Variants in MAOB observed in about 807,000 individuals in gnomAD.
MAOB encodes monoamine oxidase B.
A neutral mutation model predicts 41.9 loss-of-function variants in MAOB; 15 were observed. That is an observed-to-expected ratio of 0.36 (90% CI 0.24 to 0.55). MAOB has a LOEUF of 0.55. Among genes scored for constraint, MAOB ranks in the 20% least tolerant of loss-of-function variants. The pLI is 0.86. For missense variants in MAOB, 345 were observed against 398.7 expected, an observed-to-expected ratio of 0.87 and a Z score of 1.15; for synonymous variants, 167 against 144.2, an observed-to-expected ratio of 1.16 and a Z score of -1.13.
chrX:43,870,603 G>A (rs777853709), intron 1 of MAOB, among the ~76,000 whole-genome samples: 5 of 109,132 alleles, frequency 4.6e-5, no homozygotes, highest in South Asian at 4.1e-4. Context: ...AGACCATCCC[G>A]GCTAACATGG....
intron 1 of MAOB, among the ~76,000 whole-genome samples, chrX:43,853,071 C>T (rs1315352266): frequency 1.8e-5 from 2 of 109,168 alleles, no homozygotes; most frequent in South Asian, 4.0e-4. Flanking sequence ...GAGGCCGAGG[C>T]GGGCGGATCA....
intron 1 of MAOB, among the ~76,000 whole-genome samples, chrX:43,857,114 TATAGAGAGAGAGAGAGAGAG>T (rs1357810988): frequency 0.015 from 175 of 11,431 alleles, no homozygotes; most frequent in Non-Finnish European, 0.021. Context: ...TATATATATA[TATAGAGAGAGAGAGAGAGAG>T]AGAGAGAGAG....
At chrX:43,769,224 C>G in intron 13 of MAOB, 83 bp downstream of exon 13, 3 of 1,063,021 alleles carry the variant, frequency 2.8e-6, no homozygotes, top group Middle Eastern at 3.5e-4. Context: ...GAGAGTTGGT[C>G]TCCAGGCTCT....
intron 11 of MAOB, among the ~76,000 whole-genome samples, chrX:43,778,017 C>T (rs969848528): frequency 9.0e-6 from 1 of 110,750 alleles, no homozygotes; most frequent in Non-Finnish European, 1.9e-5. Flanking sequence ...CCCTATCCCA[C>T]CTTTAACCAC....
intron 3 of MAOB, among the ~76,000 whole-genome samples, chrX:43,811,550 C>A (rs1156736364): frequency 8.9e-6 from 1 of 111,795 alleles, no homozygotes; most frequent in East Asian, 2.8e-4. Context: ...CCTATACTTG[C>A]AGTTTGAGAG....
Position 43,766,709 on chromosome X carries a change from A to G in MAOB, c.*757T>C, listed in dbSNP as rs1220137935. The G allele has an allele frequency of 1.8e-5, 2 of 112,034 alleles. No homozygotes were observed. Among genetic ancestry groups the G allele is most frequent in the Non-Finnish European group, 3.8e-5 (2 of 53,275 alleles). 9.2% of individuals were successfully genotyped at this position (112,034 alleles called of 1,213,427 possible). Reference sequence around the variant, plus strand: ...AAAAGGAAGAAGAGATAAAATTTCTACCATCAAAAAAGTTAAAATCAGCTG... The same window carrying G: ...AAAAGGAAGAAGAGATAAAATTTCTGCCATCAAAAAAGTTAAAATCAGCTG... On this transcript the variant is annotated 3_prime_UTR_variant, in exon 15 of 15. Transcript: ENST00000378069.
chrX:43,777,681 G>T (rs890788060), intron 11 of MAOB, among the ~76,000 whole-genome samples: 1 of 111,926 alleles, frequency 8.9e-6, no homozygotes, highest in Non-Finnish European at 1.9e-5. Context: ...TGCTCAACTA[G>T]ATTGTGGTAT....
At chrX:43,839,129 C>T (rs762331536) in intron 2 of MAOB, 124 bp from the exon 3 acceptor site, 8 of 415,633 alleles carry the variant, frequency 1.9e-5, no homozygotes, top group South Asian at 8.9e-5. Context: ...GGTATATCCA[C>T]GAAAAACTAG....
chrX:43,873,970 C>T (rs754699998), intron 1 of MAOB, among the ~76,000 whole-genome samples: 233 of 111,800 alleles, frequency 2.1e-3, no homozygotes, highest in African/African-American at 7.4e-3. Context: ...CCACTGCACC[C>T]GGCCGACAGT....
chrX:43,858,674 G>A (rs2035313564), intron 1 of MAOB, among the ~76,000 whole-genome samples: 1 of 110,802 alleles, frequency 9.0e-6, no homozygotes, highest in Admixed American at 9.7e-5. Flanking sequence ...CCCATAAGAA[G>A]GAGGATACCA....
At chrX:43,833,888 G>C (rs1433366689) in intron 3 of MAOB, among the ~76,000 whole-genome samples, 1 of 111,978 alleles carries the variant, frequency 8.9e-6, no homozygotes, top group Non-Finnish European at 1.9e-5. Flanking sequence ...ATAATTTTCA[G>C]CAAATTATTA....
intron 2 of MAOB, among the ~76,000 whole-genome samples, chrX:43,840,768 T>C (rs1337719088): frequency 9.0e-6 from 1 of 111,198 alleles, no homozygotes; most frequent in Non-Finnish European, 1.9e-5. Flanking sequence ...CCAGATACTT[T>C]GCTTTTCTCA....
intron 3 of MAOB, among the ~76,000 whole-genome samples, chrX:43,821,483 A>C (rs1001039898): frequency 1.8e-5 from 2 of 111,565 alleles, no homozygotes; most frequent in African/African-American, 6.5e-5. Flanking sequence ...TGTCTTTCAA[A>C]AATATTATCC....
At chrX:43,790,566 G>T (rs1427752041) in intron 8 of MAOB, among the ~76,000 whole-genome samples, 1 of 111,020 alleles carries the variant, frequency 9.0e-6, no homozygotes, top group Non-Finnish European at 1.9e-5. Context: ...CTTTGGTGAG[G>T]CTATCTCATG....
chrX:43,805,723 C>T (rs1358496676), intron 3 of MAOB, among the ~76,000 whole-genome samples: 1 of 112,130 alleles, frequency 8.9e-6, no homozygotes, highest in African/African-American at 3.2e-5. Context: ...AACAAAACTG[C>T]TATAAACATT....
intron 2 of MAOB, 85 bp downstream of exon 2, chrX:43,843,585 G>A (rs2035166313): frequency 1.2e-6 from 1 of 867,669 alleles, no homozygotes; most frequent in African/African-American, 2.0e-5. Context: ...AAATGAAATT[G>A]AAGACTTTTG....
At chrX:43,874,090 T>C (rs1272952041) in intron 1 of MAOB, among the ~76,000 whole-genome samples, 1 of 112,115 alleles carries the variant, frequency 8.9e-6, no homozygotes, top group African/African-American at 3.2e-5. Flanking sequence ...AAAATCTCTG[T>C]TTTTAGTTTT....
At chrX:43,835,055 T>C (rs1166391999) in intron 3 of MAOB, among the ~76,000 whole-genome samples, 1 of 112,330 alleles carries the variant, frequency 8.9e-6, no homozygotes. Flanking sequence ...AGAAAAATTT[T>C]ATTTGCCTAC....
chrX:43,790,838 G>A (rs763625047), intron 8 of MAOB, among the ~76,000 whole-genome samples: 54 of 111,612 alleles, frequency 4.8e-4, no homozygotes, highest in Non-Finnish European at 8.1e-4. Context: ...TTTTCTTTCT[G>A]ATACTAGTGC....
Sources: allele counts gnomAD v4.1 joint callset (sites outside exome capture counted in the v4.1 genomes callset), GRCh38; gene constraint gnomAD v4.1.1; transcripts MANE v1.5; gene names NCBI Gene and HGNC (gene_info 2026-07-23, HGNC 2026-07-21).